Variants in DMD observed in about 807,000 individuals in gnomAD.
DMD encodes mutant dystrophin.
A neutral mutation model predicts 330.1 loss-of-function variants in DMD; 63 were observed. The observed-to-expected ratio is 0.19, with a 90% CI of 0.16 to 0.24. DMD has a LOEUF of 0.24. Ranked by LOEUF, DMD falls within the 10% of genes least tolerant of loss-of-function variation. DMD has a pLI of 1.00. For synonymous variants in DMD, 1,223 were observed against 959.8 expected, an observed-to-expected ratio of 1.27 and a Z score of -5.07; for missense variants, 3,344 against 2,684.1, an observed-to-expected ratio of 1.25 and a Z score of -5.43.
intron 59 of DMD, among the ~76,000 whole-genome samples, chrX:31,454,323 C>T (rs1426896524): frequency 9.0e-6 from 1 of 111,325 alleles, no homozygotes; most frequent in East Asian, 2.8e-4. Flanking sequence ...TCTATTTTTA[C>T]TAGAGACTGG....
At chrX:32,996,627 A>T (rs1231660534) in intron 2 of DMD, among the ~76,000 whole-genome samples, 1 of 111,239 alleles carries the variant, frequency 9.0e-6, no homozygotes, top group Non-Finnish European at 1.9e-5. Context: ...GTTCGAGACC[A>T]GCCGGGCCAA....
chrX:32,613,626 T>A, intron 12 of DMD, among the ~76,000 whole-genome samples: 1 of 110,256 alleles, frequency 9.1e-6, no homozygotes, highest in Non-Finnish European at 1.9e-5. Context: ...AAAATTACAT[T>A]AAAAAAAATC....
chrX:32,653,251 G>C (rs1406141803), intron 9 of DMD, among the ~76,000 whole-genome samples: 1 of 111,863 alleles, frequency 8.9e-6, no homozygotes, highest in South Asian at 3.7e-4. Context: ...TGTCCTGAAA[G>C]GTATTGCCTA....
chrX:32,322,337 T>C (rs747828210), intron 41 of DMD, among the ~76,000 whole-genome samples: 1 of 111,180 alleles, frequency 9.0e-6, no homozygotes, highest in South Asian at 3.8e-4. Context: ...GGTGAGAAGA[T>C]TACTTGATTC....
chrX:31,377,619 T>C (rs1174931362), intron 60 of DMD, among the ~76,000 whole-genome samples: 2 of 112,182 alleles, frequency 1.8e-5, no homozygotes, highest in African/African-American at 6.5e-5. Flanking sequence ...TCTTGGCTTC[T>C]TACTAGCTGT....
intron 47 of DMD, among the ~76,000 whole-genome samples, chrX:31,878,111 TAAA>T (rs1205526801): frequency 8.9e-6 from 1 of 111,750 alleles, no homozygotes; most frequent in Admixed American, 9.5e-5. Flanking sequence ...GTAATAGAGG[TAAA>T]ACAATTCCTG....
At chrX:31,273,588 T>A (rs940918634) in intron 62 of DMD, among the ~76,000 whole-genome samples, 1 of 112,375 alleles carries the variant, frequency 8.9e-6, no homozygotes, top group East Asian at 2.8e-4. Flanking sequence ...ACCAGTCAAT[T>A]AAGCGAACAA....
At chrX:31,984,117 T>G (rs2095494701) in intron 44 of DMD, among the ~76,000 whole-genome samples, 2 of 112,389 alleles carry the variant, frequency 1.8e-5, no homozygotes, top group Admixed American at 1.9e-4. Flanking sequence ...ATTATAGATG[T>G]TTTTGGTAGA....
At chrX:32,634,986 A>T (rs1477700249) in intron 11 of DMD, among the ~76,000 whole-genome samples, 1 of 112,026 alleles carries the variant, frequency 8.9e-6, no homozygotes, top group East Asian at 2.8e-4. Context: ...ACTCTAATCC[A>T]TGATGACAAG....
chrX:32,593,586 T>A (rs2055178803), intron 13 of DMD, among the ~76,000 whole-genome samples: 1 of 110,579 alleles, frequency 9.0e-6, no homozygotes, highest in African/African-American at 3.3e-5. Context: ...GCTCTCAAAT[T>A]ACCCATCGCA....
intron 33 of DMD, among the ~76,000 whole-genome samples, chrX:32,383,264 A>G (rs187112371): frequency 7.8e-4 from 86 of 110,915 alleles, no homozygotes; most frequent in African/African-American, 2.6e-3. Context: ...GCAGAAATCA[A>G]TTTACCTAGT....
intron 44 of DMD, among the ~76,000 whole-genome samples, chrX:31,981,769 G>A (rs1335437562): frequency 9.0e-6 from 1 of 111,705 alleles, no homozygotes; most frequent in African/African-American, 3.3e-5. Context: ...CAAAATAGGT[G>A]AGGGAATTTT....
At chrX:32,382,636 AAAAGCATCTGCCCTTTTG>A (rs756918231) in intron 33 of DMD, among the ~76,000 whole-genome samples, 8 of 108,356 alleles carry the variant, frequency 7.4e-5, no homozygotes, top group Non-Finnish European at 1.5e-4. Flanking sequence ...TTTCCTAAGT[AAAAGCATCTGCCCTTTTG>A]ACTGCAAGAA....
chrX:32,604,143 T>C (rs144089114), intron 12 of DMD, among the ~76,000 whole-genome samples: 107 of 110,012 alleles, frequency 9.7e-4, no homozygotes, highest in African/African-American at 3.4e-3. Context: ...AAAAAGATAA[T>C]ACATGACAAT....
intron 9 of DMD, among the ~76,000 whole-genome samples, chrX:32,686,578 A>AAAAAAAAAAAAAAAAAAAAAAAAAG (rs1556919375): frequency 1.9e-5 from 2 of 105,640 alleles, no homozygotes; most frequent in African/African-American, 3.5e-5. Flanking sequence ...AAAAAAAAAA[A>AAAAAAAAAAAAAAAAAAAAAAAAAG]AAAAGAAAAG....
chrX:32,455,254 T>C (rs2098352165), intron 25 of DMD, among the ~76,000 whole-genome samples: 1 of 111,531 alleles, frequency 9.0e-6, no homozygotes. Flanking sequence ...ATCATGTATC[T>C]ACAGAAACTC....
intron 51 of DMD, among the ~76,000 whole-genome samples, chrX:31,770,902 T>G (rs1307362955): frequency 8.9e-6 from 1 of 112,222 alleles, no homozygotes; most frequent in Non-Finnish European, 1.9e-5. Flanking sequence ...TATTATTTTC[T>G]TCCTTCAACC....
At chrX:32,071,966 T>C (rs1207315662) in intron 44 of DMD, among the ~76,000 whole-genome samples, 1 of 111,983 alleles carries the variant, frequency 8.9e-6, no homozygotes, top group Non-Finnish European at 1.9e-5. Flanking sequence ...GATTTCTCTA[T>C]TCTGTTGGCA....
intron 4 of DMD, 28 bp downstream of exon 4, chrX:32,844,755 T>A: frequency 1.7e-6 from 2 of 1,175,850 alleles, no homozygotes; most frequent in South Asian, 1.8e-5. Flanking sequence ...TGTCACAGCA[T>A]CCAGACCTTG....
Sources: allele counts gnomAD v4.1 joint callset (sites outside exome capture counted in the v4.1 genomes callset), GRCh38; gene constraint gnomAD v4.1.1; transcripts MANE v1.5; gene names NCBI Gene and HGNC (gene_info 2026-07-23, HGNC 2026-07-21).